The following ZBTB17 variants were observed in gnomAD, a reference collection of about 807,000 sequenced individuals.
ZBTB17 encodes zinc finger and BTB domain-containing protein 17.
ZBTB17 carries 24 observed loss-of-function variants against 85.1 expected under a neutral mutation model. That is an observed-to-expected ratio of 0.28 (90% CI 0.20 to 0.40). The LOEUF (loss-of-function observed/expected upper bound fraction) is 0.40. Among genes scored for constraint, ZBTB17 ranks in the 10% least tolerant of loss-of-function variants. The pLI, the probability that ZBTB17 is intolerant of heterozygous loss-of-function variation, is 1.00. For synonymous variants in ZBTB17, 464 were observed against 460.2 expected (o/e 1.01, Z -0.11); for missense variants, 743 against 1,105.1 (o/e 0.67, Z 4.65).
chr1:15,962,185 G>A (rs1335414709), intron 2 of ZBTB17, among the ~76,000 whole-genome samples: 6 of 152,128 alleles, frequency 3.9e-5, no homozygotes, highest in African/African-American at 1.2e-4. Context: ...TCCAGCTCGG[G>A]TGACAGTGCG....
chr1:15,952,134 G>A lies in ZBTB17; in HGVS notation c.-2-3637C>T, dbSNP rs996727550. Among the ~76,000 whole-genome samples the A allele has an allele frequency of 2.0e-5, 3 of 152,170 alleles. No individual in the cohort carries two copies. Among genetic ancestry groups the A allele is most frequent in the South Asian group, 4.1e-4 (2 of 4,832 alleles). On this transcript the variant is annotated intron_variant, in intron 2 of 15. Coordinates refer to ENST00000375743, the MANE Select transcript of ZBTB17 (RefSeq NM_003443.3). The surrounding 1 kb of genome is among the most constrained non-coding windows in gnomAD (Gnocchi z 4.3). ...GAACCATAGAAAATGCCAACAGAAC[G>A]AGACCACAGAGCCCAGCAGCCCAGA...
At position 15,941,907 on chromosome 1, in the gene ZBTB17, C is replaced by A; in HGVS notation, c.*62G>T. 1 of 1,536,204 alleles carries A rather than the reference C, an allele frequency of 6.5e-7. No homozygotes were observed. The highest frequency in any genetic ancestry group is 1.2e-5 in the South Asian group (1 of 82,570). ...CAATTTATTCTCTCTAGGGAACAGG[C>A]CACCCTTCCCGGTTCCAGGGTGCCA... On this transcript the variant is annotated 3_prime_UTR_variant, in exon 16 of 16. Coordinates refer to ENST00000375743, the MANE Select transcript of ZBTB17 (RefSeq NM_003443.3).
chr1:15,963,497 A>G (rs1030547136), intron 2 of ZBTB17, among the ~76,000 whole-genome samples: 2 of 152,192 alleles, frequency 1.3e-5, no homozygotes, highest in African/African-American at 4.8e-5. Context: ...GGCAAGCTTG[A>G]GCCCCACCCT....
At position 15,944,855 on chromosome 1, in the gene ZBTB17, G is replaced by A. The variant is rs1247687963; in HGVS notation, c.928-16C>T. 5 of 1,582,274 alleles carry A rather than the reference G, an allele frequency of 3.2e-6. No individual in the cohort carries two copies. The highest frequency in any genetic ancestry group is 4.6e-5 in the East Asian group (2 of 43,388). On this transcript the variant is annotated splice_polypyrimidine_tract_variant and intron_variant, in intron 7 of 15. Transcript: ENST00000375743. The stretch of plus-strand genomic sequence containing the variant: ...TCCCACAGTCCTGTGGGTGCAGCGG[G>A]GAAGCGGGGTGTGAGGAGCAGCCGG...
intron 2 of ZBTB17, among the ~76,000 whole-genome samples, chr1:15,968,664 T>C (rs1397804156): frequency 6.6e-6 from 1 of 152,186 alleles, no homozygotes; most frequent in Admixed American, 6.5e-5. Flanking sequence ...TCTCAGGATA[T>C]GGTCTCTGAG....
chr1:15,962,288 C>T (rs929915933), intron 2 of ZBTB17, among the ~76,000 whole-genome samples: 2 of 152,180 alleles, frequency 1.3e-5, no homozygotes, highest in African/African-American at 4.8e-5. Flanking sequence ...GTGCCCTGTG[C>T]AGAGAGGAAA....
rs927069477 is a variant in ZBTB17 at position 15,951,536 on chromosome 1, C to T, written c.-2-3039G>A. Reference sequence around the variant, plus strand: ...CCCCACCCTCACAGGGCAAGTGGAGCTCAGGGTCCCCCAGGCTGTTCCCCA... The same window carrying T: ...CCCCACCCTCACAGGGCAAGTGGAGTTCAGGGTCCCCCAGGCTGTTCCCCA... On this transcript the variant is annotated intron_variant, in intron 2 of 15. Coordinates refer to ENST00000375743, the MANE Select transcript of ZBTB17 (RefSeq NM_003443.3). This position sits in a 1 kb window ranked among gnomAD's most constrained non-coding sequence, Gnocchi z 4.1. Among the ~76,000 whole-genome samples the T allele has an allele frequency of 1.3e-5, 2 of 152,170 alleles. No individual in the cohort carries two copies. The highest frequency in any genetic ancestry group is 4.8e-5 in the African/African-American group (2 of 41,446).
rs775282302 is a variant in ZBTB17, at chr1:15,943,388, G to A, written c.1697+11C>T. The A allele has an allele frequency of 1.5e-5, 24 of 1,586,726 alleles. No individual in the cohort carries two copies. In the South Asian group the frequency reaches 2.7e-4, roughly 18 times the overall value. ...GTGTCTGGCCAGTGGGTGTGGGGGA[G>A]GGGGCAGGACCTCTTGCCGCAGCGC... On this transcript the variant is annotated intron_variant, in intron 12 of 15. Coordinates refer to ENST00000375743, the MANE Select transcript of ZBTB17 (RefSeq NM_003443.3).
In ZBTB17 at chr1:15,945,843, G is replaced by A. The variant is rs2148762792; in HGVS notation, c.536-3C>T. On this transcript the variant is annotated splice_region_variant and splice_polypyrimidine_tract_variant and intron_variant, in intron 5 of 15. Transcript: ENST00000375743. ...GGCTTTCTCTGTCTGCTCTGCACCTGGGTGGGGGAAGCACCGGAGGCTGGA... is the reference window on the plus strand; with the variant it reads ...GGCTTTCTCTGTCTGCTCTGCACCTAGGTGGGGGAAGCACCGGAGGCTGGA... 6.3e-7 allele frequency: 1 copy of A among 1,592,098 alleles called. No individual in the cohort carries two copies. Among genetic ancestry groups the A allele is most frequent in the East Asian group, 2.2e-5 (1 of 44,664 alleles).
chr1:15,951,303 A>AG lies in ZBTB17; in HGVS notation c.-2-2807dup, dbSNP rs2071828304. On this transcript the variant is annotated intron_variant, in intron 2 of 15. Transcript: ENST00000375743. This position sits in a 1 kb window ranked among gnomAD's most constrained non-coding sequence, Gnocchi z 4.1. ...AAGTAAGGGAAGGAAAGGAGAGAGA[A>AG]GAAGGAAGGAAGGAAGGGAGAGAGG... Among the ~76,000 whole-genome samples, 1 of 128,932 alleles carries AG rather than the reference A, an allele frequency of 7.8e-6. No homozygotes were observed. The highest frequency in any genetic ancestry group is 3.2e-5 in the African/African-American group (1 of 31,624). 84.6% of individuals were successfully genotyped at this position (128,932 alleles called of 152,430 possible). A position where few individuals can be genotyped will look rare whatever the true frequency, so the allele number is the denominator to read the frequency against.
At chr1:15,970,056 T>C (rs754446666) in intron 2 of ZBTB17, 3 of 712,168 alleles carry the variant, frequency 4.2e-6, no homozygotes, top group Admixed American at 2.1e-5. Flanking sequence ...ATATTTCCAA[T>C]AGGATTTTAC....
intron 2 of ZBTB17, among the ~76,000 whole-genome samples, chr1:15,963,787 A>T (rs1263612556): frequency 6.6e-6 from 1 of 152,174 alleles, no homozygotes; most frequent in Non-Finnish European, 1.5e-5. Flanking sequence ...AAACCTAAAC[A>T]AATGCTGAAC....
intron 1 of ZBTB17, among the ~76,000 whole-genome samples, chr1:15,975,096 CCT>C (rs1203170252): frequency 6.6e-6 from 1 of 152,200 alleles, no homozygotes; most frequent in Non-Finnish European, 1.5e-5. Context: ...GGCTTTCTGC[CCT>C]CGCAGCAGTA....
At chr1:15,949,338 C>A (rs1010840649) in intron 2 of ZBTB17, among the ~76,000 whole-genome samples, 2 of 152,250 alleles carry the variant, frequency 1.3e-5, no homozygotes, top group Admixed American at 6.5e-5. Flanking sequence ...AAACAGCTCT[C>A]CCTCCCGCCC....
chr1:15,975,170 G>A (rs1050222223), intron 1 of ZBTB17, among the ~76,000 whole-genome samples: 19 of 152,210 alleles, frequency 1.2e-4, no homozygotes, highest in Non-Finnish European at 5.9e-5. Flanking sequence ...GGTGACAATG[G>A]TGATACAATT....
intron 3 of ZBTB17, 66 bp downstream of exon 3, chr1:15,948,225 G>A (rs2071693768): frequency 6.3e-7 from 1 of 1,593,282 alleles, no homozygotes; most frequent in South Asian, 1.1e-5. Flanking sequence ...GGAGGGCCTA[G>A]CATGGCACAG....
At chr1:15,965,049 G>A (rs2072391788) in intron 2 of ZBTB17, among the ~76,000 whole-genome samples, 1 of 151,400 alleles carries the variant, frequency 6.6e-6, no homozygotes, top group Admixed American at 6.6e-5. Flanking sequence ...GGGAGGCGGA[G>A]TTTGCAGTGA....
intron 11 of ZBTB17, 31 bp downstream of exon 11, chr1:15,943,568 C>T (rs779933736): frequency 1.2e-6 from 2 of 1,612,720 alleles, no homozygotes; most frequent in South Asian, 1.1e-5. Context: ...CCGTGCCCTC[C>T]CAGTCCTGGG....
chr1:15,974,326 T>C (rs1375143727), intron 1 of ZBTB17, among the ~76,000 whole-genome samples: 2 of 150,478 alleles, frequency 1.3e-5, no homozygotes, highest in East Asian at 3.9e-4. Flanking sequence ...CCGGCTATTT[T>C]TTTTTTCCTT....
Sources: allele counts gnomAD v4.1 joint callset (sites outside exome capture counted in the v4.1 genomes callset), GRCh38; gene constraint gnomAD v4.1.1; non-coding constraint Gnocchi (gnomAD v3.1); transcripts MANE v1.5; gene names NCBI Gene and HGNC (gene_info 2026-07-23, HGNC 2026-07-21).